GRB10: variants seen among roughly 807,000 people sequenced by gnomAD.
GRB10 encodes growth factor receptor-bound protein 10.
GRB10 carries 20 observed loss-of-function variants against 80.9 expected under a neutral mutation model. That is an observed-to-expected ratio of 0.25 (90% CI 0.17 to 0.36). The LOEUF is 0.36. Ranked by LOEUF, GRB10 falls within the 10% of genes least tolerant of loss-of-function variation. The probability of loss-of-function intolerance (pLI) is 1.00; values close to 1 mark genes in which losing one functional copy is unlikely to be tolerated. For missense variants in GRB10, 548 were observed against 747.7 expected (o/e 0.73, Z 3.12); for synonymous variants, 291 against 291.5 (o/e 1.00, Z 0.02).
chr7:50,665,147 A>C (rs1458388158), intron 7 of GRB10, among the ~76,000 whole-genome samples: 1 of 152,202 alleles, frequency 6.6e-6, no homozygotes, highest in Non-Finnish European at 1.5e-5. Flanking sequence ...CACTATGTAA[A>C]ACCATACATC....
At chr7:50,715,457 G>T (rs1386637641) in intron 4 of GRB10, among the ~76,000 whole-genome samples, 3 of 152,196 alleles carry the variant, frequency 2.0e-5, no homozygotes. Context: ...CATTACAGCA[G>T]GAACAATTGG....
intron 10 of GRB10, among the ~76,000 whole-genome samples, chr7:50,617,177 G>A (rs1015435415): frequency 2.6e-5 from 4 of 152,146 alleles, no homozygotes; most frequent in Admixed American, 6.5e-5. Flanking sequence ...GACACCTCTC[G>A]CCAGAACAGA....
intron 16 of GRB10, 67 bp downstream of exon 16, chr7:50,604,244 G>A: frequency 7.2e-7 from 1 of 1,383,418 alleles, no homozygotes. Flanking sequence ...AGGCTGAGGG[G>A]GAGTGGAGGG....
At chr7:50,622,547 G>A (rs959918657) in intron 8 of GRB10, among the ~76,000 whole-genome samples, 2 of 152,102 alleles carry the variant, frequency 1.3e-5, no homozygotes, top group Admixed American at 1.3e-4. Flanking sequence ...GTAAGATCTG[G>A]CGGAAACCCT....
At chr7:50,652,445 A>G (rs1244927631) in intron 7 of GRB10, among the ~76,000 whole-genome samples, 1 of 152,222 alleles carries the variant, frequency 6.6e-6, no homozygotes, top group Non-Finnish European at 1.5e-5. Context: ...GGAACTCCAA[A>G]TTACACCAAA....
At chr7:50,683,607 T>A (rs544099563) in intron 5 of GRB10, among the ~76,000 whole-genome samples, 27 of 152,164 alleles carry the variant, frequency 1.8e-4, no homozygotes, top group African/African-American at 6.0e-4. Flanking sequence ...TGTGGTGGTG[T>A]GCACCTGTAA....
intron 1 of GRB10, chr7:50,793,018 C>A (rs1299884740): frequency 2.1e-5 from 3 of 144,304 alleles, no homozygotes; most frequent in Admixed American, 2.0e-4. Context: ...CCGAGCACCG[C>A]CCGCTGCGGG....
intron 5 of GRB10, among the ~76,000 whole-genome samples, chr7:50,684,074 C>T (rs947402437): frequency 6.6e-6 from 1 of 152,010 alleles, no homozygotes; most frequent in African/African-American, 2.4e-5. Context: ...ATGCAAAGTG[C>T]CGCCGCCAGT....
At chr7:50,619,420 C>T (rs557992411) in intron 8 of GRB10, 135 bp from the exon 9 acceptor site, 15 of 699,518 alleles carry the variant, frequency 2.1e-5, no homozygotes, top group Non-Finnish European at 3.7e-5. Flanking sequence ...AGGAAGGAAA[C>T]TAAATTTAAA....
intron 18 of GRB10, 74 bp from the exon 19 acceptor site, chr7:50,593,172 A>G: frequency 6.5e-7 from 1 of 1,529,820 alleles, no homozygotes; most frequent in Non-Finnish European, 9.1e-7. Context: ...CACGGCCAGC[A>G]GCAGCTACAT....
At chr7:50,767,856 G>A (rs1414069100) in intron 2 of GRB10, among the ~76,000 whole-genome samples, 3 of 152,108 alleles carry the variant, frequency 2.0e-5, no homozygotes, top group Admixed American at 6.5e-5. Context: ...TGTTGCAATC[G>A]AGAAGCCCAA....
At chr7:50,617,788 A>G in intron 10 of GRB10, 1 of 511,238 alleles carries the variant, frequency 2.0e-6, no homozygotes, top group Non-Finnish European at 3.5e-6. Flanking sequence ...CCTGGCCCAC[A>G]CTCAGCAGTG....
chr7:50,604,500 C>A, intron 15 of GRB10, 123 bp from the exon 16 acceptor site: 2 of 829,198 alleles, frequency 2.4e-6, no homozygotes, highest in Non-Finnish European at 4.2e-6. Context: ...AGGGACCTTG[C>A]CCCATCTGAA....
chr7:50,700,794 C>T (rs529903860), intron 5 of GRB10, among the ~76,000 whole-genome samples: 3 of 152,096 alleles, frequency 2.0e-5, no homozygotes, highest in Non-Finnish European at 4.4e-5. Context: ...TTTATGTTGA[C>T]GTCTGATTTA....
intron 4 of GRB10, among the ~76,000 whole-genome samples, chr7:50,716,203 C>T (rs922687994): frequency 2.6e-5 from 4 of 152,162 alleles, no homozygotes; most frequent in African/African-American, 4.8e-5. Context: ...AACTTCCTTA[C>T]GCATGGGACA....
At chr7:50,723,860 A>T (rs2068152847) in intron 4 of GRB10, among the ~76,000 whole-genome samples, 1 of 152,238 alleles carries the variant, frequency 6.6e-6, no homozygotes, top group South Asian at 2.1e-4. Context: ...CTCAAGGCAA[A>T]CAGACATAGG....
intron 17 of GRB10, among the ~76,000 whole-genome samples, chr7:50,599,571 G>A (rs1297792297): frequency 6.6e-6 from 1 of 152,206 alleles, no homozygotes; most frequent in African/African-American, 2.4e-5. Context: ...GCCTAAGGCG[G>A]GAGCTGGAAA....
At chr7:50,642,921 A>AC (rs1362803627) in intron 7 of GRB10, among the ~76,000 whole-genome samples, 1 of 152,248 alleles carries the variant, frequency 6.6e-6, no homozygotes, top group African/African-American at 2.4e-5. Context: ...CAAACTGGAC[A>AC]ACATCATCAG....
intron 4 of GRB10, chr7:50,705,264 A>G: frequency 1.0e-6 from 1 of 985,690 alleles, no homozygotes; most frequent in Non-Finnish European, 1.2e-6. Context: ...TCTACCACTT[A>G]GAAGGAGGAT....
Sources: allele counts gnomAD v4.1 joint callset (sites outside exome capture counted in the v4.1 genomes callset), GRCh38; gene constraint gnomAD v4.1.1; transcripts MANE v1.5; gene names NCBI Gene and HGNC (gene_info 2026-07-23, HGNC 2026-07-21).